Variants in CREB1 observed in about 807,000 individuals in gnomAD.
The protein encoded by CREB1 is cyclic AMP-responsive element-binding protein 1.
CREB1 carries 2 observed loss-of-function variants against 42.0 expected under a neutral mutation model. That is an observed-to-expected ratio of 0.05 (90% confidence interval 0.02 to 0.15). The LOEUF (loss-of-function observed/expected upper bound fraction) is 0.15. CREB1 is among the 10% of genes least tolerant of loss of function. The pLI, the probability that CREB1 is intolerant of heterozygous loss-of-function variation, is 1.00. For synonymous variants in CREB1, 123 were observed against 139.9 expected (o/e 0.88, Z 0.85); for missense variants, 199 against 388.9 (o/e 0.51, Z 4.11).
intron 1 of CREB1, among the ~76,000 whole-genome samples, chr2:207,530,760 A>G (rs2080579217): frequency 6.6e-6 from 1 of 151,692 alleles, no homozygotes; most frequent in South Asian, 2.1e-4. Context: ...TCGCAAGGGG[A>G]AGAGCTGCAA....
At chr2:207,566,461 A>C (rs745847960) in intron 3 of CREB1, among the ~76,000 whole-genome samples, 1 of 152,182 alleles carries the variant, frequency 6.6e-6, no homozygotes, top group African/African-American at 2.4e-5. Flanking sequence ...TAAATTTGAC[A>C]ATCAAGCATA....
At chr2:207,561,842 A>G (rs1171907004) in intron 3 of CREB1, among the ~76,000 whole-genome samples, 1 of 152,138 alleles carries the variant, frequency 6.6e-6, no homozygotes, top group Non-Finnish European at 1.5e-5. Flanking sequence ...TTTGTCAGCC[A>G]TTTTATACTA....
chr2:207,596,480 C>T (rs1057026138), intron 7 of CREB1, among the ~76,000 whole-genome samples: 2 of 152,238 alleles, frequency 1.3e-5, no homozygotes, highest in African/African-American at 2.4e-5. Context: ...GTCACTCAGG[C>T]TGGAGTGCAG....
At position 207,605,149 on chromosome 2, in the gene CREB1, T is replaced by C. The variant is rs1272773638; in HGVS notation, c.*8091T>C. 2.0e-5 allele frequency among the ~76,000 whole-genome samples: 3 copies of C among 152,206 alleles called. No homozygotes were observed. The highest frequency in any genetic ancestry group is 4.8e-5 in the African/African-American group (2 of 41,452). On this transcript the variant is annotated 3_prime_UTR_variant, in exon 8 of 8. Coordinates refer to ENST00000353267, the MANE Select transcript of CREB1 (RefSeq NM_004379.5). Reference sequence around the variant, plus strand: ...TTAACTTTTTGAGGAACTGTCAAACTTTCCCTCAGCAGCTGTACCGTTTTA... The same window carrying C: ...TTAACTTTTTGAGGAACTGTCAAACCTTCCCTCAGCAGCTGTACCGTTTTA...
At chr2:207,592,817 G>T (rs532131923) in intron 7 of CREB1, among the ~76,000 whole-genome samples, 15 of 152,002 alleles carry the variant, frequency 9.9e-5, no homozygotes, top group African/African-American at 3.4e-4. Flanking sequence ...TGAGGCTGAG[G>T]CAAGGGAATT....
intron 4 of CREB1, among the ~76,000 whole-genome samples, chr2:207,569,283 G>A (rs1275596652): frequency 6.6e-6 from 1 of 152,172 alleles, no homozygotes; most frequent in African/African-American, 2.4e-5. Flanking sequence ...TGGAATTGGG[G>A]TGAATTCCTG....
At chr2:207,544,798 A>G (rs1301100000) in intron 1 of CREB1, among the ~76,000 whole-genome samples, 4 of 151,342 alleles carry the variant, frequency 2.6e-5, no homozygotes, top group Non-Finnish European at 5.9e-5. Context: ...TGTACCTCCC[A>G]CTTACAAATG....
Position 207,604,661 on chromosome 2 carries a change from A to G in CREB1, c.*7603A>G, listed in dbSNP as rs1319901157. On this transcript the variant is annotated 3_prime_UTR_variant, in exon 8 of 8. Coordinates refer to ENST00000353267, the MANE Select transcript of CREB1 (RefSeq NM_004379.5). ...ACAATTAAGTGGTAGTACATCCACA[A>G]TGGTGTACAACCACCACTTCTATCT... 6.6e-6 allele frequency among the ~76,000 whole-genome samples: 1 copy of G among 152,112 alleles called. No homozygotes were observed. The highest frequency in any genetic ancestry group is 1.9e-4 in the East Asian group (1 of 5,200).
intron 6 of CREB1, chr2:207,577,266 T>G (rs1283811370): frequency 4.5e-5 from 49 of 1,078,788 alleles, no homozygotes; most frequent in Non-Finnish European, 5.8e-5. Context: ...TGCATTCAAA[T>G]GAAAAATAAA....
chr2:207,534,433 C>T (rs1051183181), intron 1 of CREB1, among the ~76,000 whole-genome samples: 1 of 152,172 alleles, frequency 6.6e-6, no homozygotes, highest in Non-Finnish European at 1.5e-5. Context: ...GACAGGGTTT[C>T]ACCATGTTGG....
rs1432276773 is a variant in CREB1 at position 207,597,752 on chromosome 2, T to C, written c.*694T>C. The C allele has an allele frequency of 4.9e-6, 1 of 202,292 alleles. No homozygotes were observed. The highest frequency in any genetic ancestry group is 1.0e-5 in the Non-Finnish European group (1 of 98,538). 12.5% of individuals were successfully genotyped at this position (202,292 alleles called of 1,614,324 possible). A position where few individuals can be genotyped will look rare whatever the true frequency, so the allele number is the denominator to read the frequency against. Reference sequence around the variant, plus strand: ...GCTTCTTAATTCAGTTCTGTATGTGTTCAACATTTTTGAATACATTAAAAG... The same window carrying C: ...GCTTCTTAATTCAGTTCTGTATGTGCTCAACATTTTTGAATACATTAAAAG... On this transcript the variant is annotated 3_prime_UTR_variant, in exon 8 of 8. Transcript: ENST00000353267.
At chr2:207,585,915 A>C (rs2083737351) in intron 7 of CREB1, among the ~76,000 whole-genome samples, 1 of 152,198 alleles carries the variant, frequency 6.6e-6, no homozygotes, top group Non-Finnish European at 1.5e-5. Flanking sequence ...GAGTGCCACA[A>C]GGAGAAAATA....
intron 2 of CREB1, among the ~76,000 whole-genome samples, chr2:207,558,694 G>T: frequency 6.6e-6 from 1 of 150,690 alleles, no homozygotes. Context: ...GCCCAGGCTG[G>T]AGTGCAATGG....
At chr2:207,548,712 T>G (rs2081388407) in intron 1 of CREB1, among the ~76,000 whole-genome samples, 1 of 152,064 alleles carries the variant, frequency 6.6e-6, no homozygotes, top group Non-Finnish European at 1.5e-5. Context: ...GATCACTCCA[T>G]TGCACTCCAG....
At chr2:207,540,692 AAAAAAG>A (rs2081065609) in intron 1 of CREB1, among the ~76,000 whole-genome samples, 1 of 149,980 alleles carries the variant, frequency 6.7e-6, no homozygotes, top group Non-Finnish European at 1.5e-5. Context: ...AAAAAAAAAA[AAAAAAG>A]GAAAAAACCT....
At chr2:207,530,720 C>T (rs1209512856) in intron 1 of CREB1, among the ~76,000 whole-genome samples, 1 of 151,844 alleles carries the variant, frequency 6.6e-6, no homozygotes, top group African/African-American at 2.4e-5. Flanking sequence ...TGCTGCCTTC[C>T]CGGTGGCTTC....
chr2:207,591,178 C>G (rs955410638), intron 7 of CREB1, among the ~76,000 whole-genome samples: 39 of 152,142 alleles, frequency 2.6e-4, no homozygotes, highest in African/African-American at 9.4e-4. Context: ...TCTGTCATCT[C>G]TGAGACTCTA....
chr2:207,585,937 A>G (rs1448376993), intron 7 of CREB1, among the ~76,000 whole-genome samples: 1 of 152,226 alleles, frequency 6.6e-6, no homozygotes, highest in Non-Finnish European at 1.5e-5. Flanking sequence ...AGGAAAAGGC[A>G]TAGAAAACCT....
chr2:207,566,977 A>C (rs1336434241), intron 3 of CREB1, among the ~76,000 whole-genome samples: 1 of 152,114 alleles, frequency 6.6e-6, no homozygotes. Flanking sequence ...AGTTTTTCCT[A>C]ACTTGCTAGG....
Sources: allele counts gnomAD v4.1 joint callset (sites outside exome capture counted in the v4.1 genomes callset), GRCh38; gene constraint gnomAD v4.1.1; transcripts MANE v1.5; gene names NCBI Gene and HGNC (gene_info 2026-07-23, HGNC 2026-07-21).